Variants in GBE1 observed in about 807,000 individuals in gnomAD.
The protein encoded by GBE1 is 1,4-alpha-glucan-branching enzyme.
Under a neutral mutation model 88.8 loss-of-function variants are expected in GBE1, and 70 were observed. The observed-to-expected ratio is 0.79, with a 90% CI of 0.65 to 0.96. The LOEUF (loss-of-function observed/expected upper bound fraction) is 0.96. GBE1 is among the 40% of genes least tolerant of loss of function. The pLI, the probability that GBE1 is intolerant of heterozygous loss-of-function variation, is 0.00. For missense variants in GBE1, 872 were observed against 871.0 expected (o/e 1.00, Z -0.01); for synonymous variants, 284 against 300.1 (o/e 0.95, Z 0.56).
At chr3:81,570,940 A>C (rs1703565460) in intron 12 of GBE1, among the ~76,000 whole-genome samples, 1 of 152,234 alleles carries the variant, frequency 6.6e-6, no homozygotes, top group Non-Finnish European at 1.5e-5. Context: ...CAAGTGCCCT[A>C]TATAAAAGAT....
chr3:81,649,536 T>A (rs144186229), intron 4 of GBE1, among the ~76,000 whole-genome samples: 1 of 151,970 alleles, frequency 6.6e-6, no homozygotes, highest in Non-Finnish European at 1.5e-5. Context: ...GTATCCCTTA[T>A]AGATTAGTAT....
At chr3:81,509,146 C>A (rs1258812365) in intron 14 of GBE1, among the ~76,000 whole-genome samples, 1 of 151,886 alleles carries the variant, frequency 6.6e-6, no homozygotes, top group East Asian at 1.9e-4. Context: ...GCCTCTTCTT[C>A]CTTTATGATC....
chr3:81,557,139 C>CA (rs1703359522), intron 12 of GBE1, among the ~76,000 whole-genome samples: 1 of 152,036 alleles, frequency 6.6e-6, no homozygotes, highest in South Asian at 2.1e-4. Context: ...AGAATGTAGA[C>CA]AGACTGGCTC....
Position 81,761,482 on chromosome 3 carries a change from C to A in GBE1, c.36G>T (p.Glu12Asp), listed in dbSNP as rs1024161275. 6.2e-7 allele frequency: 1 copy of A among 1,612,016 alleles called. No individual in the cohort carries two copies. Among genetic ancestry groups the A allele is most frequent in the Admixed American group, 1.7e-5 (1 of 59,878 alleles). ...CGGCATTGAGCGCCGCCTCGTAGTCCTCGGGCCGAGCCGCGGGAGTCATCG... is the reference window on the plus strand; with the variant it reads ...CGGCATTGAGCGCCGCCTCGTAGTCATCGGGCCGAGCCGCGGGAGTCATCG... ...AAPMTPAARPEDYEAALNAAL... is the reference protein window; with the variant it reads ...AAPMTPAARPDDYEAALNAAL... The change falls in exon 1 of 16, where the codon GAG becomes GAT. Residue 12 changes from glutamate to aspartate, a missense_variant. Coordinates refer to ENST00000429644, the MANE Select transcript of GBE1 (RefSeq NM_000158.4).
At chr3:81,567,776 C>T (rs936942035) in intron 12 of GBE1, among the ~76,000 whole-genome samples, 7 of 152,204 alleles carry the variant, frequency 4.6e-5, no homozygotes, top group African/African-American at 1.7e-4. Context: ...ACTTCAACAA[C>T]CTCCTGAGTA....
chr3:81,581,846 CTA>C (rs1456328103), intron 10 of GBE1, among the ~76,000 whole-genome samples: 3 of 152,092 alleles, frequency 2.0e-5, no homozygotes, highest in Non-Finnish European at 4.4e-5. Context: ...CCCTCTAACA[CTA>C]TACTTTTATG....
intron 14 of GBE1, among the ~76,000 whole-genome samples, chr3:81,523,030 A>G (rs1702895127): frequency 6.6e-6 from 1 of 151,406 alleles, no homozygotes; most frequent in South Asian, 2.1e-4. Flanking sequence ...ATTTCAGAAG[A>G]CCCAATTTGT....
chr3:81,572,970 C>A (rs938249917), intron 12 of GBE1, among the ~76,000 whole-genome samples: 6 of 152,040 alleles, frequency 3.9e-5, no homozygotes, highest in South Asian at 4.2e-4. Flanking sequence ...TCCGTGATAA[C>A]CAAATAAGCA....
At chr3:81,547,405 G>A (rs1267516137) in intron 12 of GBE1, among the ~76,000 whole-genome samples, 1 of 151,432 alleles carries the variant, frequency 6.6e-6, no homozygotes, top group East Asian at 1.9e-4. Context: ...ACAGTTGCAG[G>A]TGACAGAATT....
At chr3:81,649,724 G>T in intron 4 of GBE1, 72 bp downstream of exon 4, 2 of 1,302,832 alleles carry the variant, frequency 1.5e-6, no homozygotes, top group Non-Finnish European at 2.1e-6. Flanking sequence ...TACTATAAAA[G>T]TTATAAAAGT....
At chr3:81,700,311 A>G (rs779237685) in intron 2 of GBE1, among the ~76,000 whole-genome samples, 1 of 152,178 alleles carries the variant, frequency 6.6e-6, no homozygotes, top group Non-Finnish European at 1.5e-5. Context: ...ACCAGTAAAA[A>G]ATGATCGCTA....
At chr3:81,538,837 A>G (rs568979317) in intron 12 of GBE1, among the ~76,000 whole-genome samples, 1 of 152,074 alleles carries the variant, frequency 6.6e-6, no homozygotes, top group African/African-American at 2.4e-5. Flanking sequence ...ATATTAGCCT[A>G]CAAACTGGAT....
At chr3:81,686,146 T>C (rs955764957) in intron 2 of GBE1, among the ~76,000 whole-genome samples, 1 of 152,204 alleles carries the variant, frequency 6.6e-6, no homozygotes, top group African/African-American at 2.4e-5. Flanking sequence ...GCTACTTCCT[T>C]GGTAAGACAA....
At chr3:81,679,198 A>T (rs1705303779) in intron 2 of GBE1, among the ~76,000 whole-genome samples, 1 of 152,202 alleles carries the variant, frequency 6.6e-6, no homozygotes, top group African/African-American at 2.4e-5. Flanking sequence ...CTGTGCACAA[A>T]TAGGTGTCCA....
intron 1 of GBE1, among the ~76,000 whole-genome samples, chr3:81,713,939 T>C (rs766347120): frequency 2.0e-5 from 3 of 152,136 alleles, no homozygotes; most frequent in African/African-American, 2.4e-5. Flanking sequence ...ACTGAGAATA[T>C]AGAGATAAAA....
At chr3:81,607,576 T>G (rs1023441268) in intron 7 of GBE1, among the ~76,000 whole-genome samples, 2 of 151,936 alleles carry the variant, frequency 1.3e-5, no homozygotes, top group African/African-American at 2.4e-5. Context: ...AAACAAAAAA[T>G]AAATAAATAA....
At chr3:81,734,592 T>C (rs529754319) in intron 1 of GBE1, among the ~76,000 whole-genome samples, 8 of 152,316 alleles carry the variant, frequency 5.3e-5, no homozygotes, top group African/African-American at 1.9e-4. Flanking sequence ...GCATGTTTGC[T>C]TTAGGGTACT....
chr3:81,576,406 T>C (rs1481143136), intron 12 of GBE1, among the ~76,000 whole-genome samples: 2 of 152,230 alleles, frequency 1.3e-5, no homozygotes, highest in African/African-American at 4.8e-5. Flanking sequence ...CTGTAGATGA[T>C]AGTAATTTTA....
At chr3:81,509,626 G>A (rs577160678) in intron 14 of GBE1, 5 of 151,668 alleles carry the variant, frequency 3.3e-5, no homozygotes, top group African/African-American at 1.2e-4. Flanking sequence ...GCATTTGAGT[G>A]AGTGTCTTTT....
Sources: allele counts gnomAD v4.1 joint callset (sites outside exome capture counted in the v4.1 genomes callset), GRCh38; gene constraint gnomAD v4.1.1; transcripts MANE v1.5; gene names NCBI Gene and HGNC (gene_info 2026-07-23, HGNC 2026-07-21).